Variants in SMARCA4 observed in about 807,000 individuals in gnomAD.
SMARCA4 encodes SWI/SNF-related matrix-associated actin-dependent regulator of chromatin subfamily A member 4.
SMARCA4 carries 31 observed loss-of-function variants against 193.9 expected under a neutral mutation model. That is an observed-to-expected ratio of 0.16 (90% CI 0.12 to 0.22). The LOEUF is 0.22. SMARCA4 is among the 10% of genes least tolerant of loss of function. The pLI, the probability that SMARCA4 is intolerant of heterozygous loss-of-function variation, is 1.00. For synonymous variants in SMARCA4, 942 were observed against 933.1 expected, an observed-to-expected ratio of 1.01 and a Z score of -0.17; for missense variants, 1,148 against 2,296.0, an observed-to-expected ratio of 0.50 and a Z score of 10.22.
intron 11 of SMARCA4, among the ~76,000 whole-genome samples, chr19:10,997,067 TAG>T (rs2087132843): frequency 6.6e-6 from 1 of 151,822 alleles, no homozygotes; most frequent in Non-Finnish European, 1.5e-5. Context: ...TTGCCCAGGC[TAG>T]AGTAAAGTGG....
In SMARCA4 at chr19:10,986,851, G is replaced by A. The variant is rs766637886; in HGVS notation, c.761-54G>A. On this transcript the variant is annotated intron_variant, in intron 4 of 34. Coordinates refer to ENST00000344626, the MANE Select transcript of SMARCA4 (RefSeq NM_003072.5). This position sits in a 1 kb window ranked among gnomAD's most constrained non-coding sequence, Gnocchi z 6.7. ...GCCAGGGCTGCCCACGGGGCTGGGC[G>A]CAGGCATAAACCTGGGACGCACTGT... is the stretch of plus-strand genomic sequence containing the variant. The A allele has an allele frequency of 2.4e-5, 35 of 1,471,046 alleles. No individual in the cohort carries two copies. The highest frequency in any genetic ancestry group is 1.7e-4 in the Middle Eastern group (1 of 5,764). The allele number at this position is 1,471,046 out of a possible 1,614,324, so 91.1% of individuals were successfully genotyped here.
At chr19:10,994,459 G>C (rs1050254566) in intron 8 of SMARCA4, among the ~76,000 whole-genome samples, 6 of 151,756 alleles carry the variant, frequency 4.0e-5, no homozygotes, top group African/African-American at 1.5e-4. Flanking sequence ...GAGTAGCTGG[G>C]ACTACAGGCG....
At chr19:11,028,500 C>CCCAGTGA (rs2146557625) in intron 24 of SMARCA4, among the ~76,000 whole-genome samples, 1 of 152,338 alleles carries the variant, frequency 6.6e-6, no homozygotes, top group African/African-American at 2.4e-5. Flanking sequence ...TTCGTAGCAG[C>CCCAGTGA]CCAGTGACTG....
rs147558972 is a variant in SMARCA4, at chr19:10,991,245, G to A, written c.1341G>A (p.Leu447=). The A allele has an allele frequency of 2.5e-6, 4 of 1,613,222 alleles. No individual in the cohort carries two copies. The highest frequency in any genetic ancestry group is 2.7e-5 in the African/African-American group (2 of 75,078). ...KAYKRSKRQS[L]REARITEKLE... Reference sequence around the variant, plus strand: ...ACAAGCGCAGCAAGCGCCAGTCCCTGCGCGAGGCCCGCATCACTGAGAAGC... The same window carrying A: ...ACAAGCGCAGCAAGCGCCAGTCCCTACGCGAGGCCCGCATCACTGAGAAGC... Residue 447 remains leucine, a synonymous_variant, in exon 8 of 35, where the codon CTG becomes CTA. Coordinates refer to ENST00000344626, the MANE Select transcript of SMARCA4 (RefSeq NM_003072.5).
In SMARCA4 at chr19:10,994,324, T is replaced by G. The variant is rs1002368708; in HGVS notation, c.1420-504T>G. On this transcript the variant is annotated intron_variant, in intron 8 of 34. Transcript: ENST00000344626. ...TCCCAAAGCGATATTCTAGGTTTTT[T>G]TTTTTTTTTTTTTTTTTGAGACAGC... Among the ~76,000 whole-genome samples, 60 of 145,256 alleles carry G rather than the reference T, an allele frequency of 4.1e-4. 1 individual carries two copies. The highest frequency in any genetic ancestry group is 6.4e-4 in the Non-Finnish European group (42 of 66,008).
In SMARCA4 at chr19:11,062,096, G is replaced by T; in HGVS notation, c.*280G>T. The T allele has an allele frequency of 1.9e-6, 1 of 532,210 alleles. No homozygotes were observed. The allele number at this position is 532,210 out of a possible 1,614,324, so 33.0% of individuals were successfully genotyped here. On this transcript the variant is annotated 3_prime_UTR_variant, in exon 35 of 35. Coordinates refer to ENST00000344626, the MANE Select transcript of SMARCA4 (RefSeq NM_003072.5). ...ACGATACCTGTTTTTCTTTTCCGTT[G>T]CTGGCAGTACTGTTGCGCCGCAGTT...
At chr19:11,001,417 C>T (rs1475462552) in intron 11 of SMARCA4, among the ~76,000 whole-genome samples, 1 of 151,998 alleles carries the variant, frequency 6.6e-6, no homozygotes, top group Non-Finnish European at 1.5e-5. Flanking sequence ...TGTGATCACA[C>T]CTGTGAATAA....
intron 30 of SMARCA4, among the ~76,000 whole-genome samples, chr19:11,043,065 C>T (rs979966605): frequency 6.7e-6 from 1 of 148,622 alleles, no homozygotes; most frequent in Non-Finnish European, 1.5e-5. Flanking sequence ...CCAAGGCGGG[C>T]GGATCACTTG....
chr19:11,060,944 C>T (rs906098689), intron 34 of SMARCA4, among the ~76,000 whole-genome samples: 4 of 152,108 alleles, frequency 2.6e-5, no homozygotes, highest in African/African-American at 9.7e-5. Context: ...GCCCCTGTGT[C>T]AGGCAGGAGG....
chr19:10,977,444 C>G (rs986997597), intron 1 of SMARCA4, among the ~76,000 whole-genome samples: 1 of 152,038 alleles, frequency 6.6e-6, no homozygotes, highest in Non-Finnish European at 1.5e-5. Flanking sequence ...CTGCCCCAGC[C>G]TCCCGAGTAG....
At position 10,978,577 on chromosome 19, in the gene SMARCA4, C is replaced by T. The variant is rs563298131; in HGVS notation, c.-31-5544C>T. ...TCGAACTCCTGACCTCTGCTTGCCT[C>T]GGCCTCCCAAAGTGCTGGGATTACA... On this transcript the variant is annotated intron_variant, in intron 1 of 34. Coordinates refer to ENST00000344626, the MANE Select transcript of SMARCA4 (RefSeq NM_003072.5). 3.9e-5 allele frequency among the ~76,000 whole-genome samples: 6 copies of T among 151,956 alleles called. No homozygotes were observed. The South Asian group carries it at 1.0e-3, about 26-fold the overall frequency.
At chr19:11,029,130 G>T (rs2146568029) in intron 24 of SMARCA4, among the ~76,000 whole-genome samples, 1 of 152,300 alleles carries the variant, frequency 6.6e-6, no homozygotes, top group East Asian at 1.9e-4. Context: ...TTCTTCCTTG[G>T]GGGCTTCCCA....
At chr19:11,061,205 ATATATATATATATATATATATAT>A (rs2076869224) in intron 34 of SMARCA4, among the ~76,000 whole-genome samples, 2 of 38,502 alleles carry the variant, frequency 5.2e-5, no homozygotes, top group African/African-American at 3.2e-4. Flanking sequence ...AAAAAAAAAA[ATATATATATATATATATATATAT>A]ATATATATAT....
At chr19:10,981,922 A>T (rs1181364640) in intron 1 of SMARCA4, among the ~76,000 whole-genome samples, 1 of 152,130 alleles carries the variant, frequency 6.6e-6, no homozygotes, top group African/African-American at 2.4e-5. Context: ...CCCGAGGTCA[A>T]GGCTGCAGTG....
rs369859147 is a variant in SMARCA4 at position 10,964,336 on chromosome 19, A to G, written c.-32+3162A>G. Among the ~76,000 whole-genome samples, 273 of 151,558 alleles carry G rather than the reference A, an allele frequency of 1.8e-3. 1 individual carries two copies. The highest frequency in any genetic ancestry group is 6.8e-3 in the Middle Eastern group (2 of 294). On this transcript the variant is annotated intron_variant, in intron 1 of 34. Transcript: ENST00000344626. ...TTCTTTCTTTTTTTTTTGAGACGGA[A>G]TCTTACTCTTGTTGCCCAGGCTGGA...
intron 1 of SMARCA4, among the ~76,000 whole-genome samples, chr19:10,980,618 A>G (rs2085484787): frequency 8.3e-6 from 1 of 119,932 alleles, no homozygotes. Flanking sequence ...TGGGCGACAG[A>G]GTGAGACTCT....
chr19:10,967,545 C>T (rs1239207965), intron 1 of SMARCA4, among the ~76,000 whole-genome samples: 6 of 151,664 alleles, frequency 4.0e-5, no homozygotes, highest in African/African-American at 1.5e-4. Flanking sequence ...CTCCTGACCT[C>T]GTTATCCGTC....
chr19:11,006,368 G>A (rs1200269676), intron 13 of SMARCA4, among the ~76,000 whole-genome samples: 1 of 152,206 alleles, frequency 6.6e-6, no homozygotes, highest in Non-Finnish European at 1.5e-5. Context: ...GCCTCTTGTC[G>A]CCAGTGTTAT....
rs2074880634 is a variant in SMARCA4 at position 11,030,900 on chromosome 19, G to C, written c.3546+7G>C. ...CGACTGGAATCCTCACCAGGTAAAA[G>C]CGGGCCGGGCCCCAGGTCGAGGAGA... On this transcript the variant is annotated splice_region_variant and intron_variant, in intron 25 of 34. Transcript: ENST00000344626. This position sits in a 1 kb window ranked among gnomAD's most constrained non-coding sequence, Gnocchi z 5.5. The C allele has an allele frequency of 1.9e-6, 3 of 1,608,940 alleles. No homozygotes were observed. The highest frequency in any genetic ancestry group is 2.5e-6 in the Non-Finnish European group (3 of 1,178,084).
Sources: gnomAD v4.1 joint callset for allele counts (sites outside exome capture counted in the v4.1 genomes callset) on GRCh38, gnomAD v4.1.1 for gene constraint, Gnocchi (gnomAD v3.1) non-coding constraint, MANE v1.5 for transcripts, NCBI Gene and HGNC (gene_info 2026-07-23, HGNC 2026-07-21) for gene names.